The following STK39 variants were observed in gnomAD, a reference collection of about 807,000 sequenced individuals.
The protein encoded by STK39 is STE20/SPS1-related proline-alanine-rich protein kinase.
STK39 carries 20 observed loss-of-function variants against 77.8 expected under a neutral mutation model. That is an observed-to-expected ratio of 0.26 (90% CI 0.18 to 0.37). The LOEUF (loss-of-function observed/expected upper bound fraction) is 0.37, where lower values mean the gene tolerates loss of function less well. Ranked by LOEUF, STK39 falls within the 10% of genes least tolerant of loss-of-function variation. The probability of loss-of-function intolerance (pLI) is 1.00; values close to 1 mark genes in which losing one functional copy is unlikely to be tolerated. For missense variants in STK39, 479 were observed against 656.5 expected (o/e 0.73, Z 2.95); for synonymous variants, 246 against 234.1 (o/e 1.05, Z -0.47).
chr2:168,020,093 G>T (rs1011517435), intron 14 of STK39, among the ~76,000 whole-genome samples: 17 of 151,992 alleles, frequency 1.1e-4, no homozygotes, highest in African/African-American at 4.1e-4. Context: ...TTTGGTCTTA[G>T]GACACTTTTA....
intron 1 of STK39, among the ~76,000 whole-genome samples, chr2:168,198,647 A>G (rs1689535077): frequency 1.3e-5 from 2 of 152,216 alleles, no homozygotes; most frequent in African/African-American, 4.8e-5. Flanking sequence ...TCTAAACCAG[A>G]GTGTGTGCAT....
intron 5 of STK39, among the ~76,000 whole-genome samples, chr2:168,147,503 T>G (rs891922162): frequency 6.6e-6 from 1 of 152,234 alleles, no homozygotes; most frequent in African/African-American, 2.4e-5. Flanking sequence ...GAGAGCATTT[T>G]TTTTAACCAT....
chr2:168,074,888 G>T, intron 12 of STK39, 94 bp downstream of exon 12: 1 of 1,423,068 alleles, frequency 7.0e-7, no homozygotes, highest in South Asian at 1.3e-5. Context: ...TCTACTCCAT[G>T]AGATTTTGAA....
chr2:168,026,563 A>T (rs1684704073), intron 14 of STK39, among the ~76,000 whole-genome samples: 2 of 152,188 alleles, frequency 1.3e-5, no homozygotes, highest in South Asian at 4.1e-4. Flanking sequence ...AAGAAATGAC[A>T]ACAGAACCTG....
chr2:168,115,389 A>G (rs371601552), intron 10 of STK39, among the ~76,000 whole-genome samples: 1 of 152,214 alleles, frequency 6.6e-6, no homozygotes, highest in African/African-American at 2.4e-5. Flanking sequence ...CACTTTAAAC[A>G]TATGTAAGGT....
intron 1 of STK39, among the ~76,000 whole-genome samples, 162 bp downstream of exon 1, chr2:168,247,066 A>T (rs1326620700): frequency 3.8e-5 from 5 of 131,468 alleles, no homozygotes; most frequent in Non-Finnish European, 7.7e-5. Context: ...AAAATTAAAA[A>T]AAAAAAAAAA....
chr2:168,047,752 T>C (rs568984408), intron 14 of STK39, among the ~76,000 whole-genome samples: 1 of 152,300 alleles, frequency 6.6e-6, no homozygotes, highest in Non-Finnish European at 1.5e-5. Flanking sequence ...GTGGTTTGCT[T>C]TCTTACCCAG....
At chr2:167,978,598 T>A (rs1437496116) in intron 16 of STK39, among the ~76,000 whole-genome samples, 2 of 152,252 alleles carry the variant, frequency 1.3e-5, no homozygotes, top group African/African-American at 2.4e-5. Flanking sequence ...GGGATGAGGC[T>A]TTTTGTTTGC....
Position 168,005,682 on chromosome 2 carries a change from G to A in STK39, c.1498+6952C>T, listed in dbSNP as rs1277838511. Among the ~76,000 whole-genome samples the A allele has an allele frequency of 3.3e-5, 5 of 152,294 alleles. No homozygotes were observed. The East Asian group carries it at 9.7e-4, about 29-fold the overall frequency. On this transcript the variant is annotated intron_variant, in intron 16 of 17. Transcript: ENST00000355999. ...AGGAAGACAAGCACGCAGTAGTACAGCAGGATGAAAGCCATACGTCTTGAG... is the reference window on the plus strand; with the variant it reads ...AGGAAGACAAGCACGCAGTAGTACAACAGGATGAAAGCCATACGTCTTGAG...
intron 1 of STK39, among the ~76,000 whole-genome samples, chr2:168,205,155 T>C (rs948327215): frequency 3.1e-4 from 47 of 152,342 alleles, no homozygotes; most frequent in African/African-American, 1.0e-3. Flanking sequence ...ATTTTAACTT[T>C]GCTGCATGTT....
intron 12 of STK39, among the ~76,000 whole-genome samples, chr2:168,072,038 T>C (rs1685954807): frequency 6.7e-6 from 1 of 148,910 alleles, no homozygotes; most frequent in South Asian, 2.1e-4. Flanking sequence ...AATGGTTAAA[T>C]AAACAATTTT....
chr2:168,040,397 A>T (rs1685073100), intron 14 of STK39, among the ~76,000 whole-genome samples: 1 of 152,330 alleles, frequency 6.6e-6, no homozygotes, highest in Middle Eastern at 3.4e-3. Flanking sequence ...TAAATCACAA[A>T]AATTAGGTAG....
At chr2:167,968,098 T>C (rs1314345423) in intron 16 of STK39, among the ~76,000 whole-genome samples, 1 of 152,218 alleles carries the variant, frequency 6.6e-6, no homozygotes, top group Non-Finnish European at 1.5e-5. Flanking sequence ...GCTGCATCCA[T>C]GTCACTGCAA....
intron 8 of STK39, among the ~76,000 whole-genome samples, chr2:168,136,972 A>G (rs1347000082): frequency 6.6e-6 from 1 of 152,246 alleles, no homozygotes; most frequent in East Asian, 1.9e-4. Context: ...TCCTGGCTCC[A>G]TGAGAAAAGT....
intron 16 of STK39, among the ~76,000 whole-genome samples, chr2:167,973,184 T>C (rs1574356744): frequency 6.6e-6 from 1 of 152,246 alleles, no homozygotes; most frequent in South Asian, 2.1e-4. Flanking sequence ...TCTTAGTCCA[T>C]GTAACTTTAG....
chr2:168,022,871 A>G lies in STK39; in HGVS notation c.1377-5776T>C, dbSNP rs573034000. Among the ~76,000 whole-genome samples, 14 of 152,326 alleles carry G rather than the reference A, an allele frequency of 9.2e-5. No homozygotes were observed. In the East Asian group the frequency reaches 1.5e-3, roughly 17 times the overall value. ...AATAAAGCCACAGAAACCTAACGAA[A>G]AGAAAATACAATTCATAAACTTATA... On this transcript the variant is annotated intron_variant, in intron 14 of 17. Coordinates refer to ENST00000355999, the MANE Select transcript of STK39 (RefSeq NM_013233.3).
At chr2:168,223,375 G>C (rs1366564521) in intron 1 of STK39, among the ~76,000 whole-genome samples, 2 of 152,022 alleles carry the variant, frequency 1.3e-5, no homozygotes, top group Non-Finnish European at 2.9e-5. Flanking sequence ...AGCCGGGTGT[G>C]GTGGCACGTG....
chr2:168,185,094 T>C (rs6749692), intron 1 of STK39, among the ~76,000 whole-genome samples: 51,098 of 152,128 alleles, frequency 0.34, 9,086 homozygotes, highest in East Asian at 0.46. Flanking sequence ...GCAATTACTA[T>C]GCTGAACAGC....
chr2:168,169,217 T>C (rs1426462854), intron 2 of STK39, among the ~76,000 whole-genome samples: 1 of 152,164 alleles, frequency 6.6e-6, no homozygotes, highest in African/African-American at 2.4e-5. Flanking sequence ...GTTTCCGGTA[T>C]TAGGTTCTGA....
Sources: allele counts gnomAD v4.1 joint callset (sites outside exome capture counted in the v4.1 genomes callset), GRCh38; gene constraint gnomAD v4.1.1; transcripts MANE v1.5; gene names NCBI Gene and HGNC (gene_info 2026-07-23, HGNC 2026-07-21).